TRIM21: variants seen among roughly 807,000 people sequenced by gnomAD.
TRIM21 encodes the protein tripartite motif containing 21, also known as E3 ubiquitin-protein ligase TRIM21.
A neutral mutation model predicts 36.1 loss-of-function variants in TRIM21; 35 were observed. The observed-to-expected ratio is 0.97, with a 90% CI of 0.74 to 1.28. The LOEUF is 1.28. Among genes scored for constraint, TRIM21 ranks in the 50% most tolerant of loss-of-function variants. The pLI is 0.00. For missense variants in TRIM21, 635 were observed against 570.7 expected (o/e 1.11, Z -1.15); for synonymous variants, 256 against 211.5 (o/e 1.21, Z -1.83).
In TRIM21 at chr11:4,385,851, G is replaced by A; in HGVS notation, c.862C>T (p.His288Tyr). 6.2e-7 allele frequency: 1 copy of A among 1,605,336 alleles called. No homozygotes were observed. Among genetic ancestry groups the A allele is most frequent in the Non-Finnish European group, 8.5e-7 (1 of 1,175,456 alleles). The change falls in exon 7 of 7, where the codon CAC (histidine) becomes TAC (tyrosine). Residue 288 changes from histidine (H) to tyrosine (Y), a missense_variant and splice_region_variant. Transcript: ENST00000254436. ...GCTGTGTCTGGATCCAGAGTGATGT[G>A]GACTGCAGAGAGAGGACCACAGTCA... ...LKKMLRTCAV[H>Y]ITLDPDTANP...
chr11:4,385,640 A>T lies in TRIM21; in HGVS notation c.1073T>A (p.Val358Asp). Residue 358 changes from valine to aspartate, a missense_variant, in exon 7 of 7, where the codon GTC becomes GAC. Physicochemically the swap from Val to Asp is radical, Grantham distance 152. Transcript: ENST00000254436. ...VTGKEAWDLG[V>D]CRDSVRRKGH... is the part of the protein sequence containing the mutation. ...CTTCCTGCGCACAGAGTCTCTGCAG[A>T]CACCCAGGTCCCAGGCCTCCTTTCC... is the stretch of plus-strand genomic sequence containing the variant. 3.7e-6 allele frequency: 6 copies of T among 1,613,116 alleles called. No homozygotes were observed. The highest frequency in any genetic ancestry group is 5.1e-6 in the Non-Finnish European group (6 of 1,179,564).
At position 4,385,460 on chromosome 11, in the gene TRIM21, A is replaced by G; in HGVS notation, c.1253T>C (p.Val418Ala). ...ATGGTCAGTGATGTTGTAGAAGGAG[A>G]CCATGCCAGCCTCATAGTCCAGGAA... ...GIFLDYEAGMVSFYNITDHGS... is the reference protein window; with the variant it reads ...GIFLDYEAGMASFYNITDHGS... Residue 418 changes from valine (V) to alanine (A), a missense_variant, in exon 7 of 7, where the codon GTC (valine) becomes GCC (alanine). Transcript: ENST00000254436. The G allele has an allele frequency of 6.2e-7, 1 of 1,612,564 alleles. No individual in the cohort carries two copies. Among genetic ancestry groups the G allele is most frequent in the Non-Finnish European group, 8.5e-7 (1 of 1,179,314 alleles).
Position 4,385,237 on chromosome 11 carries a change from C to T in TRIM21, c.*48G>A, listed in dbSNP as rs1461843355. ...TGGGGAAAAGAGGCAGGGTTTGTGGCTGAGAAGCGGTGCCAATGGGGAGAG... is the reference window on the plus strand; with the variant it reads ...TGGGGAAAAGAGGCAGGGTTTGTGGTTGAGAAGCGGTGCCAATGGGGAGAG... On this transcript the variant is annotated 3_prime_UTR_variant, in exon 7 of 7. Coordinates refer to ENST00000254436, the MANE Select transcript of TRIM21 (RefSeq NM_003141.4). 4 of 1,539,252 alleles carry T rather than the reference C, an allele frequency of 2.6e-6. No individual in the cohort carries two copies. Among genetic ancestry groups the T allele is most frequent in the Non-Finnish European group, 3.5e-6 (4 of 1,137,506 alleles).
chr11:4,389,963 T>G (rs1347642005), intron 2 of TRIM21, 39 bp downstream of exon 2: 1 of 1,601,804 alleles, frequency 6.2e-7, no homozygotes, highest in Admixed American at 1.7e-5. Context: ...TTCCCTGCTC[T>G]GAAAACGAAG....
Position 4,390,159 on chromosome 11 carries a change from C to G in TRIM21, c.251G>C (p.Arg84Thr). 1 of 1,614,068 alleles carries G rather than the reference C, an allele frequency of 6.2e-7. No individual in the cohort carries two copies. Among genetic ancestry groups the G allele is most frequent in the South Asian group, 1.1e-5 (1 of 91,092 alleles). Reference protein sequence around the residue: ...NNLKEISQEAREGTQGERCAV... With the variant: ...NNLKEISQEATEGTQGERCAV... Reference sequence around the variant, plus strand: ...ACACCGTTCCCCCTGTGTGCCCTCTCTGGCCTCCTGGCTGATTTCTTTAAG... The same window carrying G: ...ACACCGTTCCCCCTGTGTGCCCTCTGTGGCCTCCTGGCTGATTTCTTTAAG... Residue 84 changes from arginine to threonine, a missense_variant, in exon 2 of 7, where the codon AGA becomes ACA. By Grantham distance (71) the Arg-to-Thr change is moderately conservative. Coordinates refer to ENST00000254436, the MANE Select transcript of TRIM21 (RefSeq NM_003141.4).
Position 4,385,433 on chromosome 11 carries a change from C to T in TRIM21, c.1280G>A (p.Gly427Asp). 6.2e-7 allele frequency: 1 copy of T among 1,613,540 alleles called. No homozygotes were observed. The highest frequency in any genetic ancestry group is 8.5e-7 in the Non-Finnish European group (1 of 1,179,746). The change falls in exon 7 of 7, where the codon GGC (glycine) becomes GAC (aspartate). Residue 427 changes from glycine to aspartate, a missense_variant. Coordinates refer to ENST00000254436, the MANE Select transcript of TRIM21 (RefSeq NM_003141.4). ...TTCAGAGAAGGAGTAGATGAGGGAG[C>T]CATGGTCAGTGATGTTGTAGAAGGA... is the stretch of plus-strand genomic sequence containing the variant. The part of the protein sequence containing the change: ...MVSFYNITDH[G>D]SLIYSFSECA...
chr11:4,391,228 GA>G (rs758558205), intron 1 of TRIM21, among the ~76,000 whole-genome samples: 1 of 151,510 alleles, frequency 6.6e-6, no homozygotes, highest in Non-Finnish European at 1.5e-5. Context: ...AACTCTATAG[GA>G]AAAAAAATAA....
rs376885569 is a variant in TRIM21, at chr11:4,390,004, G to C, written c.406C>G (p.Gln136Glu). ...ACCAGGTGTCTCTTAGGCCTCACCT[G>C]GTACTCCTGTGCAGCCTCCTCAAGA... ...VPLEEAAQEY[Q>E]EKLQVALGEL... The change falls in exon 2 of 7, where the codon CAG becomes GAG. Residue 136 changes from glutamine to glutamate, a missense_variant and splice_region_variant. By Grantham distance (29) the Gln-to-Glu change is conservative. Coordinates refer to ENST00000254436, the MANE Select transcript of TRIM21 (RefSeq NM_003141.4). 5 of 1,613,338 alleles carry C rather than the reference G, an allele frequency of 3.1e-6. No homozygotes were observed. Among genetic ancestry groups the C allele is most frequent in the Non-Finnish European group, 4.2e-6 (5 of 1,179,640 alleles).
intron 6 of TRIM21, 50 bp from the exon 7 acceptor site, chr11:4,385,903 G>A (rs745821042): frequency 2.7e-6 from 4 of 1,503,214 alleles, no homozygotes; most frequent in Non-Finnish European, 1.8e-6. Context: ...AGTTCACTAA[G>A]TCTGTGCCTG....
chr11:4,390,333 G>T lies in TRIM21; in HGVS notation c.77C>A (p.Pro26His). The change falls in exon 2 of 7, where the codon CCT becomes CAT. Residue 26 changes from proline (P) to histidine (H), a missense_variant. By Grantham distance (77) the Pro-to-His change is moderately conservative. Transcript: ENST00000254436. ...GCTGTGGCCACACTCGATGCTCACA[G>T]GCTCCACGAAGGGGTCCAGGCAGAT... ...CPICLDPFVE[P>H]VSIECGHSFC... 1 of 1,613,974 alleles carries T rather than the reference G, an allele frequency of 6.2e-7. No individual in the cohort carries two copies. The highest frequency in any genetic ancestry group is 8.5e-7 in the Non-Finnish European group (1 of 1,179,882).
rs1479743638 is a variant in TRIM21, at chr11:4,386,206, C to A, written c.810G>T (p.Arg270Ser). Residue 270 changes from arginine (R) to serine (S), a missense_variant, in exon 6 of 7, where the codon AGG becomes AGT. Arg to Ser is a moderately radical substitution (Grantham distance 110, BLOSUM62 -1). Transcript: ENST00000254436. ...TCAGCCCTGGCACATGGCACACACTCCTGAGTTCTGGAGAGGTAATATCCA... is the reference window on the plus strand; with the variant it reads ...TCAGCCCTGGCACATGGCACACACTACTGAGTTCTGGAGAGGTAATATCCA... ...KDLDITSPEL[R>S]SVCHVPGLKK... 1 of 1,613,860 alleles carries A rather than the reference C, an allele frequency of 6.2e-7. No homozygotes were observed. The highest frequency in any genetic ancestry group is 8.5e-7 in the Non-Finnish European group (1 of 1,179,888).
intron 4 of TRIM21, 58 bp downstream of exon 4, chr11:4,388,242 G>T: frequency 7.0e-7 from 1 of 1,428,818 alleles, no homozygotes; most frequent in Non-Finnish European, 9.6e-7. Flanking sequence ...GTTCCAGATA[G>T]CTCTGGTCTT....
At chr11:4,392,676 C>A (rs980627417) in intron 1 of TRIM21, among the ~76,000 whole-genome samples, 1 of 152,204 alleles carries the variant, frequency 6.6e-6, no homozygotes, top group African/African-American at 2.4e-5. Flanking sequence ...AAGTTTATTC[C>A]TGTTCTGAAT....
chr11:4,387,199 G>A (rs1194600859), intron 4 of TRIM21, among the ~76,000 whole-genome samples: 1 of 151,582 alleles, frequency 6.6e-6, no homozygotes, highest in Non-Finnish European at 1.5e-5. Flanking sequence ...GCATGGATGT[G>A]ACCTATGGCT....
intron 4 of TRIM21, 79 bp from the exon 5 acceptor site, chr11:4,387,069 C>T (rs2094957021): frequency 6.9e-6 from 10 of 1,453,674 alleles, no homozygotes; most frequent in East Asian, 2.5e-5. Flanking sequence ...GTGATGTGAT[C>T]CATCTTTGGT....
chr11:4,385,997 G>A, intron 6 of TRIM21, 144 bp from the exon 7 acceptor site: 16 of 1,098,688 alleles, frequency 1.5e-5, no homozygotes, highest in Non-Finnish European at 1.6e-5. Context: ...AGCCAGTTCT[G>A]GCCTTGGTCC....
chr11:4,388,499 T>A lies in TRIM21; in HGVS notation c.536A>T (p.His179Leu). 1.2e-6 allele frequency: 2 copies of A among 1,611,490 alleles called. No individual in the cohort carries two copies. Among genetic ancestry groups the A allele is most frequent in the Non-Finnish European group, 1.7e-6 (2 of 1,179,882 alleles). Residue 179 changes from histidine to leucine, a missense_variant, in exon 4 of 7, where the codon CAC (histidine) becomes CTC (leucine). Physicochemically the swap from His to Leu is moderately conservative, Grantham distance 99. Transcript: ENST00000254436. ...KTVETQKSRI[H>L]AEFVQQKNFL... ...GTTTTTTTGCTGCACAAACTCTGCG[T>A]GAATCCTAGATTTCTGTGTTTCCAC... is the stretch of plus-strand genomic sequence containing the variant.
chr11:4,389,387 C>T (rs575447381), intron 3 of TRIM21, among the ~76,000 whole-genome samples: 39 of 152,304 alleles, frequency 2.6e-4, no homozygotes, highest in African/African-American at 8.9e-4. Flanking sequence ...CAGAGGAGCT[C>T]GAAACTTTAG....
rs1487013377 is a variant in TRIM21 at position 4,390,135 on chromosome 11, C to T, written c.275G>A (p.Cys92Tyr). ...GTGAAGTCTCTCTCCATGCACTGCA[C>T]ACCGTTCCCCCTGTGTGCCCTCTCT... is the stretch of plus-strand genomic sequence containing the variant. ...EAREGTQGER[C>Y]AVHGERLHLF... Residue 92 changes from cysteine (C) to tyrosine (Y), a missense_variant, in exon 2 of 7, where the codon TGT becomes TAT. By Grantham distance (194) the Cys-to-Tyr change is radical. Transcript: ENST00000254436. 1.9e-6 allele frequency: 3 copies of T among 1,614,064 alleles called. No individual in the cohort carries two copies. Among genetic ancestry groups the T allele is most frequent in the Admixed American group, 3.3e-5 (2 of 60,026 alleles).
Sources: allele counts gnomAD v4.1 joint callset (sites outside exome capture counted in the v4.1 genomes callset), GRCh38; gene constraint gnomAD v4.1.1; transcripts MANE v1.5; gene names NCBI Gene and HGNC (gene_info 2026-07-23, HGNC 2026-07-21).